STYK1: variants seen among roughly 807,000 people sequenced by gnomAD.
STYK1 encodes the protein tyrosine-protein kinase STYK1.
In STYK1, 46 loss-of-function variants were observed where a neutral mutation model predicts 48.1. The ratio of observed to expected loss-of-function variants is 0.96; its 90% confidence interval spans 0.75 to 1.22. The LOEUF (loss-of-function observed/expected upper bound fraction) is 1.22, where lower values mean the gene tolerates loss of function less well. Ranked by LOEUF, STYK1 falls within the 50% of genes most tolerant of loss-of-function variation. STYK1 has a pLI of 0.00. For synonymous variants in STYK1, 188 were observed against 189.0 expected (o/e 0.99, Z 0.04); for missense variants, 527 against 521.1 (o/e 1.01, Z -0.11).
chr12:10,673,642 GC>G (rs1484703493), intron 1 of STYK1: 3 of 150,048 alleles, frequency 2.0e-5, no homozygotes, highest in Middle Eastern at 6.8e-3. Flanking sequence ...TCTCCTGATG[GC>G]CCCCTCTCCA....
At chr12:10,646,067 C>T (rs1045562588) in intron 1 of STYK1, among the ~76,000 whole-genome samples, 7 of 152,164 alleles carry the variant, frequency 4.6e-5, no homozygotes, top group Non-Finnish European at 1.0e-4. Context: ...TCATGTATGT[C>T]TTTATCAGCA....
At chr12:10,663,183 G>C (rs1490809800) in intron 1 of STYK1, among the ~76,000 whole-genome samples, 2 of 152,124 alleles carry the variant, frequency 1.3e-5, no homozygotes, top group Admixed American at 6.6e-5. Flanking sequence ...GGTGTGATCA[G>C]AGCTCATTGC....
chr12:10,663,296 T>C (rs1002127494), intron 1 of STYK1, among the ~76,000 whole-genome samples: 4 of 152,114 alleles, frequency 2.6e-5, no homozygotes, highest in African/African-American at 9.7e-5. Flanking sequence ...TCTTGACTAC[T>C]GTAGATTTGT....
intron 1 of STYK1, among the ~76,000 whole-genome samples, chr12:10,640,261 C>A (rs2120688588): frequency 6.6e-6 from 1 of 152,298 alleles, no homozygotes; most frequent in South Asian, 2.1e-4. Context: ...GAATTAGGGT[C>A]TTCATGCTGT....
intron 6 of STYK1, among the ~76,000 whole-genome samples, chr12:10,628,782 T>A (rs575918548): frequency 6.6e-6 from 1 of 152,296 alleles, no homozygotes; most frequent in Admixed American, 6.5e-5. Flanking sequence ...AAAACGTGAG[T>A]TTGAGCTACA....
At chr12:10,621,019 A>G (rs555677604) in intron 10 of STYK1, among the ~76,000 whole-genome samples, 1 of 152,342 alleles carries the variant, frequency 6.6e-6, no homozygotes, top group Non-Finnish European at 1.5e-5. Flanking sequence ...ATACTCATAT[A>G]TAATTAAGAT....
At position 10,619,919 on chromosome 12, in the gene STYK1, C is replaced by T. The variant is rs139385480; in HGVS notation, c.*225G>A. 103 of 605,888 alleles carry T rather than the reference C, an allele frequency of 1.7e-4. No homozygotes were observed. The highest frequency in any genetic ancestry group is 1.6e-3 in the African/African-American group (85 of 54,120). The allele number at this position is 605,888 out of a possible 1,614,324, so 37.5% of individuals were successfully genotyped here. Reference sequence around the variant, plus strand: ...GGTCCACCACTTCTACCCAGGATTTCTAGGACTGGGACAGCAGAAGTGAGA... The same window carrying T: ...GGTCCACCACTTCTACCCAGGATTTTTAGGACTGGGACAGCAGAAGTGAGA... On this transcript the variant is annotated 3_prime_UTR_variant, in exon 11 of 11. Coordinates refer to ENST00000075503, the MANE Select transcript of STYK1 (RefSeq NM_018423.3).
intron 1 of STYK1, among the ~76,000 whole-genome samples, chr12:10,664,421 C>T (rs117993497): frequency 0.022 from 3,411 of 152,274 alleles, 54 homozygotes; most frequent in Non-Finnish European, 0.035. Flanking sequence ...CACAAAGATG[C>T]AGCCCCCAAT....
rs766224063 is a variant in STYK1 at position 10,631,199 on chromosome 12, G to A, written c.297C>T (p.Thr99=). ...CCTGCAGCTTAGCCAGGGCAGGTGT[G>A]GTAGCTCCCAGAAAGTTTTCCACGG... is the stretch of plus-strand genomic sequence containing the variant. ...ETSVENFLGA[T]TPALAKLQVP... Residue 99 remains threonine (T), a synonymous_variant, in exon 5 of 11, where the codon ACC becomes ACT. Transcript: ENST00000075503. 6.2e-7 allele frequency: 1 copy of A among 1,614,172 alleles called. No individual in the cohort carries two copies. Among genetic ancestry groups the A allele is most frequent in the South Asian group, 1.1e-5 (1 of 91,082 alleles).
At chr12:10,646,616 A>G (rs1350854479) in intron 1 of STYK1, among the ~76,000 whole-genome samples, 6 of 152,264 alleles carry the variant, frequency 3.9e-5, no homozygotes, top group Admixed American at 1.3e-4. Context: ...AATTCAAGCC[A>G]GCTGCAGAAA....
intron 1 of STYK1, among the ~76,000 whole-genome samples, chr12:10,657,914 G>T (rs895478206): frequency 6.6e-6 from 1 of 152,200 alleles, no homozygotes; most frequent in Non-Finnish European, 1.5e-5. Flanking sequence ...TGTGTTTTTG[G>T]TAAAAGATTA....
chr12:10,665,055 A>T (rs887086061), intron 1 of STYK1, among the ~76,000 whole-genome samples: 1 of 152,210 alleles, frequency 6.6e-6, no homozygotes, highest in Non-Finnish European at 1.5e-5. Context: ...CCTAAGTATG[A>T]AATATGGGTG....
intron 1 of STYK1, chr12:10,640,567 A>G (rs563675090): frequency 1.3e-5 from 2 of 152,280 alleles, no homozygotes; most frequent in East Asian, 3.9e-4. Context: ...TGAACACTAG[A>G]GAAAGTGTTT....
At chr12:10,629,704 G>A (rs1190689360) in intron 5 of STYK1, 30 bp from the exon 6 acceptor site, 1 of 1,613,474 alleles carries the variant, frequency 6.2e-7, no homozygotes, top group Admixed American at 1.7e-5. Context: ...CAGGCAGTGA[G>A]CAGTCAGAGC....
intron 1 of STYK1, among the ~76,000 whole-genome samples, chr12:10,653,253 T>G (rs1947682321): frequency 6.6e-6 from 1 of 150,542 alleles, no homozygotes; most frequent in Admixed American, 6.6e-5. Context: ...TTTTTTGTAT[T>G]TTTTAGTAGG....
intron 1 of STYK1, among the ~76,000 whole-genome samples, chr12:10,642,797 AACCAGAT>A (rs556323910): frequency 4.6e-5 from 7 of 152,216 alleles, no homozygotes; most frequent in Non-Finnish European, 8.8e-5. Context: ...GAGAGATTTA[AACCAGAT>A]AAATCAAATA....
intron 2 of STYK1, among the ~76,000 whole-genome samples, chr12:10,635,533 A>C (rs188115412): frequency 1.5e-3 from 226 of 152,336 alleles, no homozygotes; most frequent in African/African-American, 5.1e-3. Flanking sequence ...CAAGGATATA[A>C]AGGAAGTATC....
At chr12:10,625,806 A>G (rs536608337) in intron 7 of STYK1, among the ~76,000 whole-genome samples, 5 of 152,208 alleles carry the variant, frequency 3.3e-5, no homozygotes, top group Non-Finnish European at 5.9e-5. Context: ...CTTTTTAAAC[A>G]TAAGATTTTC....
At chr12:10,638,091 G>T (rs1385385684) in intron 1 of STYK1, among the ~76,000 whole-genome samples, 1 of 152,160 alleles carries the variant, frequency 6.6e-6, no homozygotes, top group Non-Finnish European at 1.5e-5. Flanking sequence ...TCTATTTAAT[G>T]TTATGAATAA....
Sources: gnomAD v4.1 joint callset for allele counts (sites outside exome capture counted in the v4.1 genomes callset) on GRCh38, gnomAD v4.1.1 for gene constraint, MANE v1.5 for transcripts, NCBI Gene and HGNC (gene_info 2026-07-23, HGNC 2026-07-21) for gene names.